Variants in DLC1 observed in about 807,000 individuals in gnomAD.
DLC1 encodes the protein rho GTPase-activating protein 7.
Under a neutral mutation model 140.3 loss-of-function variants are expected in DLC1, and 54 were observed. That is an observed-to-expected ratio of 0.38 (90% CI 0.31 to 0.48). The LOEUF is 0.48. Among genes scored for constraint, DLC1 ranks in the 20% least tolerant of loss-of-function variants. The probability of loss-of-function intolerance (pLI) is 0.96; values close to 1 mark genes in which losing one functional copy is unlikely to be tolerated. For synonymous variants in DLC1, 986 were observed against 728.1 expected (o/e 1.35, Z -5.70); for missense variants, 2,536 against 1,907.0 (o/e 1.33, Z -6.14).
At chr8:13,432,197 T>C (rs117671390) in intron 2 of DLC1, among the ~76,000 whole-genome samples, 1 of 152,288 alleles carries the variant, frequency 6.6e-6, no homozygotes, top group East Asian at 1.9e-4. Flanking sequence ...AACTCAATAA[T>C]GTATTATATT....
intron 5 of DLC1, among the ~76,000 whole-genome samples, chr8:13,177,030 C>G (rs568904406): frequency 1.6e-3 from 236 of 152,254 alleles, no homozygotes; most frequent in African/African-American, 5.4e-3. Flanking sequence ...TGAATCTAAT[C>G]TAAACTATCT....
At chr8:13,464,176 G>C (rs1799814774) in intron 2 of DLC1, among the ~76,000 whole-genome samples, 1 of 152,142 alleles carries the variant, frequency 6.6e-6, no homozygotes, top group Non-Finnish European at 1.5e-5. Context: ...TAGGCAGATG[G>C]ATCTTTGTCT....
At chr8:13,439,367 G>GGCCCACAGGCAGAGGGTCGATTTC (rs1839258754) in intron 2 of DLC1, among the ~76,000 whole-genome samples, 1 of 152,020 alleles carries the variant, frequency 6.6e-6, no homozygotes, top group Non-Finnish European at 1.5e-5. Flanking sequence ...GGGTCGATTT[G>GGCCCACAGGCAGAGGGTCGATTTC]GCCCACAGGC....
intron 1 of DLC1, among the ~76,000 whole-genome samples, chr8:13,578,254 C>A (rs1804917003): frequency 6.6e-6 from 1 of 152,132 alleles, no homozygotes; most frequent in Non-Finnish European, 1.5e-5. Flanking sequence ...CCTTTTTCAT[C>A]CCCAGCCACA....
At chr8:13,156,022 G>C (rs1431492213) in intron 5 of DLC1, among the ~76,000 whole-genome samples, 1 of 151,860 alleles carries the variant, frequency 6.6e-6, no homozygotes, top group Admixed American at 6.6e-5. Flanking sequence ...TCCCTCATTT[G>C]CCAACTTAAA....
At chr8:13,254,968 T>A (rs1830158507) in intron 5 of DLC1, among the ~76,000 whole-genome samples, 1 of 150,510 alleles carries the variant, frequency 6.6e-6, no homozygotes, top group Non-Finnish European at 1.5e-5. Context: ...AAAGTACTCT[T>A]TTTTTTTCTT....
intron 1 of DLC1, among the ~76,000 whole-genome samples, chr8:13,542,710 T>G (rs1752304852): frequency 6.6e-6 from 1 of 152,186 alleles, no homozygotes; most frequent in Non-Finnish European, 1.5e-5. Context: ...TACATAATTT[T>G]TGTTAAATTT....
At chr8:13,578,871 A>C (rs574182773) in intron 1 of DLC1, among the ~76,000 whole-genome samples, 1 of 152,090 alleles carries the variant, frequency 6.6e-6, no homozygotes, top group East Asian at 2.0e-4. Flanking sequence ...CGTAGGCATG[A>C]TTAAGTAAAT....
rs1369583842 is a variant in DLC1 at position 13,596,518 on chromosome 8, G to A, written c.-126+8019C>T. Among the ~76,000 whole-genome samples, 9 of 152,068 alleles carry A rather than the reference G, an allele frequency of 5.9e-5. No individual in the cohort carries two copies. The South Asian group carries it at 8.3e-4, about 14-fold the overall frequency. On this transcript the variant is annotated intron_variant, in intron 1 of 1. Coordinates refer to the DLC1 transcript ENST00000631382. ...AGGTAACTGATGATTTCATGGAAAA[G>A]CTAGTTCTTTAACTCTTTAAGAAAT... is the stretch of plus-strand genomic sequence containing the variant.
At chr8:13,551,505 C>T (rs1310177401) in intron 1 of DLC1, among the ~76,000 whole-genome samples, 1 of 152,144 alleles carries the variant, frequency 6.6e-6, no homozygotes, top group South Asian at 2.1e-4. Flanking sequence ...TTCACAATAG[C>T]ATTTTCCCCA....
At chr8:13,452,968 C>CTTG (rs757258323) in intron 2 of DLC1, among the ~76,000 whole-genome samples, 9 of 151,912 alleles carry the variant, frequency 5.9e-5, no homozygotes, top group Non-Finnish European at 1.0e-4. Flanking sequence ...CTCACAGTTT[C>CTTG]TTGTTGTTGT....
chr8:13,090,251 CCTT>C lies in DLC1; in HGVS notation c.4072_4074del (p.Lys1358del), dbSNP rs746976370. 1.2e-6 allele frequency: 2 copies of C among 1,613,416 alleles called. No homozygotes were observed. Among genetic ancestry groups the C allele is most frequent in the Non-Finnish European group, 1.7e-6 (2 of 1,179,718 alleles). On this transcript the variant is annotated inframe_deletion and splice_region_variant, in exon 15 of 18. Coordinates refer to ENST00000276297, the MANE Select transcript of DLC1 (RefSeq NM_182643.3). Reference sequence around the variant, plus strand: ...TAGCCGACAACAGGGTGAAGCCTTACCTTCTTATAGGACAGCTCAGCCTGCTCC... The same window carrying C: ...TAGCCGACAACAGGGTGAAGCCTTACCTTATAGGACAGCTCAGCCTGCTCC...
At chr8:13,554,643 A>T (rs550272701) in intron 1 of DLC1, among the ~76,000 whole-genome samples, 1 of 152,132 alleles carries the variant, frequency 6.6e-6, no homozygotes, top group African/African-American at 2.4e-5. Flanking sequence ...GAAATCTTTC[A>T]CCCTGAAACT....
At chr8:13,512,671 G>T (rs1185929473) in intron 1 of DLC1, among the ~76,000 whole-genome samples, 1 of 152,104 alleles carries the variant, frequency 6.6e-6, no homozygotes, top group Admixed American at 6.5e-5. Context: ...TGGGGGTGGT[G>T]CTGTAAAATT....
intron 1 of DLC1, among the ~76,000 whole-genome samples, chr8:13,585,193 G>C (rs1264561284): frequency 1.3e-5 from 2 of 152,122 alleles, no homozygotes; most frequent in Non-Finnish European, 2.9e-5. Flanking sequence ...AGAGATCTTG[G>C]CAGGTATAGG....
intron 1 of DLC1, among the ~76,000 whole-genome samples, chr8:13,552,111 G>GTGTATA (rs1279225632): frequency 6.6e-4 from 36 of 54,530 alleles, no homozygotes; most frequent in Non-Finnish European, 1.0e-3. Context: ...GTCTAGAGGT[G>GTGTATA]TATATATATA....
At chr8:13,395,824 A>G (rs564852523) in intron 3 of DLC1, among the ~76,000 whole-genome samples, 1 of 151,178 alleles carries the variant, frequency 6.6e-6, no homozygotes, top group Non-Finnish European at 1.5e-5. Context: ...ATGATTTTGG[A>G]TCAGGGCCAT....
chr8:13,089,067 T>C (rs1283548392), intron 15 of DLC1, among the ~76,000 whole-genome samples: 3 of 151,912 alleles, frequency 2.0e-5, no homozygotes, highest in Non-Finnish European at 2.9e-5. Context: ...AAGACCAGCC[T>C]GGCCAACATG....
chr8:13,511,653 A>G (rs1251494943), intron 1 of DLC1, among the ~76,000 whole-genome samples: 4 of 151,790 alleles, frequency 2.6e-5, no homozygotes, highest in East Asian at 2.0e-4. Context: ...AGCAGGCCCA[A>G]TATTCACACT....
Sources: gnomAD v4.1 joint callset for allele counts (sites outside exome capture counted in the v4.1 genomes callset) on GRCh38, gnomAD v4.1.1 for gene constraint, MANE v1.5 for transcripts, NCBI Gene and HGNC (gene_info 2026-07-23, HGNC 2026-07-21) for gene names.